A4GALT: variants seen among roughly 807,000 people sequenced by gnomAD.
A4GALT encodes the protein alpha 1,4-galactosyltransferase (P1PK blood group).
For missense variants in A4GALT, 512 were observed against 486.0 expected (o/e 1.05, Z -0.50); for synonymous variants, 257 against 220.7 (o/e 1.16, Z -1.46).
In A4GALT at chr22:42,693,549, A is replaced by G; in HGVS notation, c.403T>C (p.Cys135Arg). The G allele has an allele frequency of 6.2e-7, 1 of 1,613,518 alleles. No homozygotes were observed. The highest frequency in any genetic ancestry group is 8.5e-7 in the Non-Finnish European group (1 of 1,180,020). The change falls in exon 3 of 3, where the codon TGC becomes CGC. Residue 135 changes from cysteine (C) to arginine (R), a missense_variant. Cys to Arg is a radical substitution (Grantham distance 180). Coordinates refer to ENST00000642412, the MANE Select transcript of A4GALT (RefSeq NM_017436.7). ...GGGAGCATCTGGACATTCGGGAAGC[A>G]GCTCAGAAGTGAGATGCCCAGGTGC... ...PRHLGISLLS[C>R]FPNVQMLPLD...
intron 1 of A4GALT, among the ~76,000 whole-genome samples, chr22:42,715,935 C>T (rs760005679): frequency 3.3e-5 from 5 of 151,620 alleles, no homozygotes; most frequent in Admixed American, 6.6e-5. Context: ...TGCGTTCAAG[C>T]GATTCTTCTG....
intron 1 of A4GALT, among the ~76,000 whole-genome samples, chr22:42,704,473 T>C (rs892006865): frequency 6.7e-6 from 1 of 150,130 alleles, no homozygotes; most frequent in African/African-American, 2.5e-5. Flanking sequence ...GGCAACAAAG[T>C]GAGACTCTGG....
At chr22:42,709,067 A>ATATATATTTTT (rs1180529043) in intron 1 of A4GALT, among the ~76,000 whole-genome samples, 1 of 128,804 alleles carries the variant, frequency 7.8e-6, no homozygotes, top group African/African-American at 2.8e-5. Flanking sequence ...ATATATATAT[A>ATATATATTTTT]TTTTTTTTAA....
intron 1 of A4GALT, among the ~76,000 whole-genome samples, chr22:42,706,533 G>A (rs938905827): frequency 6.6e-6 from 1 of 151,870 alleles, no homozygotes; most frequent in East Asian, 1.9e-4. Flanking sequence ...GGTCGCTTAC[G>A]CCTGTAATCT....
At chr22:42,720,714 C>A (rs1266260702) in intron 1 of A4GALT, 83 bp downstream of exon 1, 2 of 152,402 alleles carry the variant, frequency 1.3e-5, no homozygotes, top group Non-Finnish European at 2.9e-5. Flanking sequence ...CCCCTGCCTT[C>A]CCGAGGCGCC....
At chr22:42,697,260 C>G (rs561946784) in intron 1 of A4GALT, among the ~76,000 whole-genome samples, 2 of 151,956 alleles carry the variant, frequency 1.3e-5, no homozygotes, top group South Asian at 4.2e-4. Context: ...GTGTGTAGAT[C>G]GCTGTGTGAC....
At chr22:42,718,885 T>C (rs1922439674) in intron 1 of A4GALT, among the ~76,000 whole-genome samples, 1 of 152,114 alleles carries the variant, frequency 6.6e-6, no homozygotes, top group Non-Finnish European at 1.5e-5. Context: ...GGAGGTGCAC[T>C]TCAGAACTCA....
chr22:42,698,862 A>G (rs1193773804), intron 1 of A4GALT, among the ~76,000 whole-genome samples: 3 of 152,118 alleles, frequency 2.0e-5, no homozygotes, highest in African/African-American at 7.2e-5. Context: ...CACCAAAACC[A>G]AAATGGCCAT....
intron 1 of A4GALT, among the ~76,000 whole-genome samples, chr22:42,700,875 A>C (rs1379719627): frequency 6.6e-6 from 1 of 152,222 alleles, no homozygotes. Flanking sequence ...ATCTGTGTGC[A>C]GAAGTCTCTG....
At chr22:42,701,760 G>T (rs1931313613) in intron 1 of A4GALT, among the ~76,000 whole-genome samples, 1 of 152,158 alleles carries the variant, frequency 6.6e-6, no homozygotes, top group Non-Finnish European at 1.5e-5. Flanking sequence ...AACCTAGTCA[G>T]GTCCAAGCAG....
intron 1 of A4GALT, among the ~76,000 whole-genome samples, chr22:42,717,754 CCACACACACACCCACGCACG>C (rs963853359): frequency 1.3e-5 from 2 of 152,022 alleles, no homozygotes; most frequent in Admixed American, 1.3e-4. Context: ...AGACATACAC[CCACACACACACCCACGCACG>C]CACAAACACA....
intron 1 of A4GALT, among the ~76,000 whole-genome samples, chr22:42,720,131 G>C (rs9611845): frequency 0.12 from 18,992 of 152,192 alleles, 1,282 homozygotes; most frequent in African/African-American, 0.17. Flanking sequence ...TCCCCAGCTG[G>C]AGAGGAGGGA....
chr22:42,699,600 G>A (rs776681724), intron 1 of A4GALT, among the ~76,000 whole-genome samples: 45 of 152,310 alleles, frequency 3.0e-4, no homozygotes, highest in Admixed American at 1.2e-3. Context: ...GAGTTCCTGT[G>A]AGGGCAAGGG....
At chr22:42,704,297 A>G (rs910316907) in intron 1 of A4GALT, among the ~76,000 whole-genome samples, 1 of 152,034 alleles carries the variant, frequency 6.6e-6, no homozygotes, top group Non-Finnish European at 1.5e-5. Context: ...CCTGCCCAAT[A>G]TGGTGAAACC....
rs1930527738 is a variant in A4GALT, at chr22:42,692,685, T to A, written c.*205A>T. The A allele has an allele frequency of 1.4e-6, 1 of 712,476 alleles. No homozygotes were observed. The highest frequency in any genetic ancestry group is 2.5e-6 in the Non-Finnish European group (1 of 398,080). 44.1% of individuals were successfully genotyped at this position (712,476 alleles called of 1,614,324 possible). A position where few individuals can be genotyped will look rare whatever the true frequency, so the allele number is the denominator to read the frequency against. The stretch of plus-strand genomic sequence containing the variant: ...GCGCCCTCCGCTGGCTATGGCACCA[T>A]GTGTCAGCCCTGCCTCGAGACAGGA... On this transcript the variant is annotated 3_prime_UTR_variant, in exon 3 of 3. Coordinates refer to ENST00000642412, the MANE Select transcript of A4GALT (RefSeq NM_017436.7). The surrounding 1 kb of genome is among the most constrained non-coding windows in gnomAD (Gnocchi z 4.6).
Position 42,703,057 on chromosome 22 carries a change from C to CTCTG in A4GALT, c.-187-7427_-187-7426insCAGA, listed in dbSNP as rs753250465. ...GCCTTGGCTGGCACATGCTGCCCTGCTGTGTGTGTGTGTGTGTGTGTGTGT... is the reference window on the plus strand; with the variant it reads ...GCCTTGGCTGGCACATGCTGCCCTGCTCTGTGTGTGTGTGTGTGTGTGTGTGTGT... On this transcript the variant is annotated intron_variant, in intron 1 of 2. Coordinates refer to ENST00000642412, the MANE Select transcript of A4GALT (RefSeq NM_017436.7). 1.5e-5 allele frequency among the ~76,000 whole-genome samples: 2 copies of CTCTG among 134,416 alleles called. 1 individual carries two copies. The highest frequency in any genetic ancestry group is 6.4e-5 in the African/African-American group (2 of 31,030). The allele number at this position is 134,416 out of a possible 152,430, so 88.2% of individuals were successfully genotyped here.
At position 42,693,309 on chromosome 22, in the gene A4GALT, C is replaced by T. The variant is rs769709632; in HGVS notation, c.643G>A (p.Val215Ile). ...TNVLGTQSRYVLNGAFLAFER... is the reference protein window; with the variant it reads ...TNVLGTQSRYILNGAFLAFER... Reference sequence around the variant, plus strand: ...AAGGCCAGGAACGCGCCGTTGAGGACGTAGCGGGACTGGGTGCCCAGCACG... The same window carrying T: ...AAGGCCAGGAACGCGCCGTTGAGGATGTAGCGGGACTGGGTGCCCAGCACG... Residue 215 changes from valine to isoleucine, a missense_variant, in exon 3 of 3, where the codon GTC becomes ATC. Coordinates refer to ENST00000642412, the MANE Select transcript of A4GALT (RefSeq NM_017436.7). 4 of 1,613,100 alleles carry T rather than the reference C, an allele frequency of 2.5e-6. No homozygotes were observed. Among genetic ancestry groups the T allele is most frequent in the African/African-American group, 1.3e-5 (1 of 75,064 alleles).
intron 1 of A4GALT, among the ~76,000 whole-genome samples, chr22:42,716,649 C>T (rs1252263393): frequency 6.6e-6 from 1 of 152,102 alleles, no homozygotes; most frequent in Non-Finnish European, 1.5e-5. Context: ...CCTGGGGCTG[C>T]ACCAGGGCTA....
intron 1 of A4GALT, among the ~76,000 whole-genome samples, chr22:42,697,420 G>T (rs1378956334): frequency 6.6e-6 from 1 of 152,096 alleles, no homozygotes; most frequent in East Asian, 1.9e-4. Context: ...TTGGTCCTGA[G>T]TACTTTTAAC....
Sources: gnomAD v4.1 joint callset for allele counts (sites outside exome capture counted in the v4.1 genomes callset) on GRCh38, gnomAD v4.1.1 for gene constraint, Gnocchi (gnomAD v3.1) non-coding constraint, MANE v1.5 for transcripts, NCBI Gene and HGNC (gene_info 2026-07-23, HGNC 2026-07-21) for gene names.